The following MLC1 variants were observed in gnomAD, a reference collection of about 807,000 sequenced individuals.
MLC1 encodes membrane protein MLC1.
Under a neutral mutation model 44.7 loss-of-function variants are expected in MLC1, and 32 were observed. That is an observed-to-expected ratio of 0.72 (90% CI 0.54 to 0.96). MLC1 has a LOEUF of 0.96. Ranked by LOEUF, MLC1 falls within the 40% of genes least tolerant of loss-of-function variation. The pLI, the probability that MLC1 is intolerant of heterozygous loss-of-function variation, is 0.00. For missense variants in MLC1, 459 were observed against 492.2 expected (o/e 0.93, Z 0.64); for synonymous variants, 190 against 213.0 (o/e 0.89, Z 0.94).
chr22:50,072,698 C>CGGGA (rs1383400378), intron 8 of MLC1: 11 of 152,458 alleles, frequency 7.2e-5, no homozygotes, highest in Non-Finnish European at 1.0e-4. Context: ...CCCTCAGCTT[C>CGGGA]GGGATGTAAT....
chr22:50,064,829 G>T (rs1195121269), intron 10 of MLC1, among the ~76,000 whole-genome samples: 4 of 152,132 alleles, frequency 2.6e-5, no homozygotes, highest in Non-Finnish European at 5.9e-5. Context: ...GAAAAACAAA[G>T]CAACTAAATG....
intron 5 of MLC1, among the ~76,000 whole-genome samples, chr22:50,078,244 G>C (rs1194404128): frequency 6.6e-6 from 1 of 151,722 alleles, no homozygotes; most frequent in African/African-American, 2.4e-5. Flanking sequence ...GCCCACCTCG[G>C]CCTCCCAAAG....
chr22:50,075,827 A>G (rs998264657), intron 7 of MLC1, among the ~76,000 whole-genome samples: 8 of 152,202 alleles, frequency 5.3e-5, no homozygotes, highest in Non-Finnish European at 1.0e-4. Context: ...TCAAGCACAC[A>G]GGAGGCTGTC....
intron 9 of MLC1, among the ~76,000 whole-genome samples, chr22:50,069,442 C>T (rs566577109): frequency 6.6e-6 from 1 of 151,998 alleles, no homozygotes; most frequent in South Asian, 2.1e-4. Context: ...GTCACGAGTT[C>T]GAGACCAGCC....
chr22:50,064,464 A>C (rs61350648), intron 10 of MLC1, among the ~76,000 whole-genome samples: 9,439 of 152,312 alleles, frequency 0.062, 985 homozygotes, highest in African/African-American at 0.21. Context: ...CCCCGTGGAC[A>C]GTGCTGGCTG....
rs2061774213 is a variant in MLC1, at chr22:50,068,678, C to G, written c.772-123G>C. On this transcript the variant is annotated intron_variant, in intron 9 of 11. Transcript: ENST00000311597. ...TCATGGGCATAGTCCCAAGCTGGTT[C>G]CCTGCATGACTCCTGCTGAAACCTC... 5.6e-6 allele frequency: 6 copies of G among 1,065,382 alleles called. No individual in the cohort carries two copies. The South Asian group carries it at 7.7e-5, about 14-fold the overall frequency. The allele number at this position is 1,065,382 out of a possible 1,614,324, so 66.0% of individuals were successfully genotyped here.
chr22:50,079,817 C>T (rs888870099), intron 5 of MLC1, 101 bp downstream of exon 5: 5 of 893,402 alleles, frequency 5.6e-6, no homozygotes, highest in African/African-American at 1.6e-5. Flanking sequence ...CTGTGAATAA[C>T]ATTTACCACC....
rs771172303 is a variant in MLC1, at chr22:50,064,211, G to A, written c.895-13C>T. On this transcript the variant is annotated splice_polypyrimidine_tract_variant and intron_variant, in intron 10 of 11. Transcript: ENST00000311597. Reference sequence around the variant, plus strand: ...CATCGTAGGATGGCTGCAGGCGGAAGGAGGTGTGAGCAGAGTGGCCCAGCC... The same window carrying A: ...CATCGTAGGATGGCTGCAGGCGGAAAGAGGTGTGAGCAGAGTGGCCCAGCC... 3.8e-6 allele frequency: 6 copies of A among 1,584,494 alleles called. No individual in the cohort carries two copies. Among genetic ancestry groups the A allele is most frequent in the Non-Finnish European group, 5.1e-6 (6 of 1,171,870 alleles).
At position 50,077,584 on chromosome 22, in the gene MLC1, G is replaced by A. The variant is rs540992617; in HGVS notation, c.424-82C>T. On this transcript the variant is annotated intron_variant, in intron 5 of 11. Coordinates refer to ENST00000311597, the MANE Select transcript of MLC1 (RefSeq NM_015166.4). ...TTCAGCGTCCACCGGACCACCTCAC[G>A]GGCAGGCTGCGCAGGACTCTCAGCC... The A allele has an allele frequency of 6.4e-5, 75 of 1,166,348 alleles. No homozygotes were observed. The East Asian group carries it at 1.3e-3, about 20-fold the overall frequency. 72.2% of individuals were successfully genotyped at this position (1,166,348 alleles called of 1,614,324 possible). A position where few individuals can be genotyped will look rare whatever the true frequency, so the allele number is the denominator to read the frequency against.
intron 5 of MLC1, 85 bp downstream of exon 5, chr22:50,079,833 C>T (rs1296039611): frequency 6.9e-6 from 7 of 1,009,582 alleles, no homozygotes; most frequent in African/African-American, 1.6e-5. Context: ...CCACCTATTT[C>T]CAGCTCAACA....
intron 10 of MLC1, among the ~76,000 whole-genome samples, chr22:50,065,367 T>G (rs1307759806): frequency 7.0e-6 from 1 of 142,924 alleles, no homozygotes; most frequent in Non-Finnish European, 1.5e-5. Context: ...TTCCTCAGTC[T>G]CAAAAAAAAA....
At chr22:50,069,273 A>T (rs903093964) in intron 9 of MLC1, among the ~76,000 whole-genome samples, 12 of 150,926 alleles carry the variant, frequency 8.0e-5, no homozygotes, top group African/African-American at 2.9e-4. Context: ...TGATCCACCC[A>T]CCTTGGCCTC....
chr22:50,068,916 C>A (rs758823354), intron 9 of MLC1, among the ~76,000 whole-genome samples: 105 of 151,224 alleles, frequency 6.9e-4, no homozygotes, highest in Middle Eastern at 3.4e-3. Context: ...TAGTAGAGAC[C>A]GTGTTTTGCC....
chr22:50,077,408 T>C lies in MLC1; in HGVS notation c.518A>G (p.Lys173Arg), dbSNP rs2062011653. The C allele has an allele frequency of 7.4e-6, 12 of 1,613,890 alleles. No individual in the cohort carries two copies. Among genetic ancestry groups the C allele is most frequent in the Non-Finnish European group, 9.3e-6 (11 of 1,179,962 alleles). ...AARSSEEDCK[K>R]KKGSMSDSAN... Reference sequence around the variant, plus strand: ...GTCAGAAGCTGCACCCACCTTCTTTTTCTTGCAGTCCTCCTCGCTGGACCG... The same window carrying C: ...GTCAGAAGCTGCACCCACCTTCTTTCTCTTGCAGTCCTCCTCGCTGGACCG... Residue 173 changes from lysine to arginine, a missense_variant, in exon 6 of 12, where the codon AAA becomes AGA. Transcript: ENST00000311597.
intron 7 of MLC1, among the ~76,000 whole-genome samples, chr22:50,075,735 C>T (rs1044863588): frequency 2.0e-5 from 3 of 151,014 alleles, no homozygotes; most frequent in African/African-American, 7.3e-5. Context: ...AAAAAAGAAG[C>T]AGAACGGAAA....
chr22:50,074,887 T>C (rs187431380), intron 7 of MLC1, among the ~76,000 whole-genome samples: 1 of 152,356 alleles, frequency 6.6e-6, no homozygotes, highest in Admixed American at 6.5e-5. Context: ...TGCCCCTTAA[T>C]TAGCATATAC....
intron 3 of MLC1, among the ~76,000 whole-genome samples, chr22:50,081,288 AGCAGAGACGGC>A (rs1328112393): frequency 1.3e-5 from 2 of 152,170 alleles, no homozygotes; most frequent in Non-Finnish European, 2.9e-5. Flanking sequence ...GGTTGCAGTG[AGCAGAGACGGC>A]GCCATTGCAC....
intron 5 of MLC1, 119 bp downstream of exon 5, chr22:50,079,799 C>T: frequency 1.2e-6 from 1 of 816,656 alleles, no homozygotes; most frequent in Non-Finnish European, 2.2e-6. Context: ...TTTAGTCAAA[C>T]TCACGAGCTG....
rs867724431 is a variant in MLC1, at chr22:50,064,956, C to T, written c.895-758G>A. 8.5e-5 allele frequency among the ~76,000 whole-genome samples: 13 copies of T among 152,100 alleles called. No homozygotes were observed. In the South Asian group the frequency reaches 1.2e-3, roughly 15 times the overall value. On this transcript the variant is annotated intron_variant, in intron 10 of 11. Transcript: ENST00000311597. ...TAAAACTTTTTTTTGCGACAGTCTC[C>T]CTCTGTCACCCAGGCTGGCGTGCAG... is the stretch of plus-strand genomic sequence containing the variant.
Sources: allele counts gnomAD v4.1 joint callset (sites outside exome capture counted in the v4.1 genomes callset), GRCh38; gene constraint gnomAD v4.1.1; transcripts MANE v1.5; gene names NCBI Gene and HGNC (gene_info 2026-07-23, HGNC 2026-07-21).